Variants in PAPPA observed in about 807,000 individuals in gnomAD.
PAPPA encodes pappalysin-1.
In PAPPA, 60 loss-of-function variants were observed where a neutral mutation model predicts 164.0. That is an observed-to-expected ratio of 0.37 (90% CI 0.30 to 0.45). PAPPA has a LOEUF of 0.45. Ranked by LOEUF, PAPPA falls within the 20% of genes least tolerant of loss-of-function variation. The pLI is 1.00. For synonymous variants in PAPPA, 875 were observed against 814.1 expected (o/e 1.07, Z -1.27); for missense variants, 1,782 against 2,087.3 (o/e 0.85, Z 2.85).
At chr9:116,267,792 G>A (rs938549905) in intron 8 of PAPPA, among the ~76,000 whole-genome samples, 45 of 148,672 alleles carry the variant, frequency 3.0e-4, no homozygotes, top group Non-Finnish European at 5.3e-4. Flanking sequence ...GAAGAATGGC[G>A]TGAACCCGGG....
chr9:116,308,815 G>C (rs1041728415), intron 10 of PAPPA, among the ~76,000 whole-genome samples: 1 of 152,170 alleles, frequency 6.6e-6, no homozygotes, highest in Non-Finnish European at 1.5e-5. Context: ...CCTTTCCAGA[G>C]AGTTTTCTAA....
chr9:116,245,516 A>G (rs1844786787), intron 7 of PAPPA, among the ~76,000 whole-genome samples: 1 of 152,138 alleles, frequency 6.6e-6, no homozygotes, highest in East Asian at 1.9e-4. Flanking sequence ...GATTATTTGC[A>G]TAGAAAAGTG....
chr9:116,156,439 C>G (rs1357640597), intron 1 of PAPPA, among the ~76,000 whole-genome samples: 1 of 151,202 alleles, frequency 6.6e-6, no homozygotes, highest in African/African-American at 2.4e-5. Flanking sequence ...CACACACATT[C>G]TCTTGAGCAC....
intron 17 of PAPPA, among the ~76,000 whole-genome samples, chr9:116,354,264 A>G (rs892877347): frequency 6.6e-6 from 1 of 152,184 alleles, no homozygotes; most frequent in Non-Finnish European, 1.5e-5. Flanking sequence ...ATTTTATCTC[A>G]ATCCACATGT....
rs570345371 is a variant in PAPPA at position 116,268,844 on chromosome 9, G to A, written c.2862-2481G>A. On this transcript the variant is annotated intron_variant, in intron 8 of 21. Coordinates refer to ENST00000328252, the MANE Select transcript of PAPPA (RefSeq NM_002581.5). ...GCTTATGGATGTTTCCCTAAGTAGG[G>A]GTGGGGGGGTAGGGGGGAAGGAAAA... is the stretch of plus-strand genomic sequence containing the variant. Among the ~76,000 whole-genome samples the A allele has an allele frequency of 3.1e-5, 4 of 130,126 alleles. No individual in the cohort carries two copies. In the East Asian group the frequency reaches 8.2e-4, roughly 27 times the overall value. 85.4% of individuals were successfully genotyped at this position (130,126 alleles called of 152,430 possible). A position where few individuals can be genotyped will look rare whatever the true frequency, so the allele number is the denominator to read the frequency against.
chr9:116,371,973 A>G (rs995350578), intron 19 of PAPPA, among the ~76,000 whole-genome samples: 1 of 152,230 alleles, frequency 6.6e-6, no homozygotes, highest in African/African-American at 2.4e-5. Context: ...TAAACTTCAT[A>G]TAATTAGAAA....
chr9:116,180,555 C>G (rs1243483818), intron 1 of PAPPA, among the ~76,000 whole-genome samples: 1 of 152,010 alleles, frequency 6.6e-6, no homozygotes, highest in Non-Finnish European at 1.5e-5. Flanking sequence ...TTTAAAAATA[C>G]CACTTTTTCA....
chr9:116,220,924 TATAAAC>T (rs1408937880), intron 5 of PAPPA, among the ~76,000 whole-genome samples: 2 of 150,522 alleles, frequency 1.3e-5, no homozygotes, highest in Non-Finnish European at 3.0e-5. Flanking sequence ...ATATATGACA[TATAAAC>T]ATAATTTTTG....
chr9:116,154,728 TC>T lies in PAPPA; in HGVS notation c.415+143del, dbSNP rs74628090. The T allele has an allele frequency of 0.37, 386,597 of 1,036,314 alleles. 75,739 individuals carry two copies. Among genetic ancestry groups the T allele is most frequent in the Admixed American group, 0.55 (12,804 of 23,122 alleles). 64.2% of individuals were successfully genotyped at this position (1,036,314 alleles called of 1,614,324 possible). A position where few individuals can be genotyped will look rare whatever the true frequency, so the allele number is the denominator to read the frequency against. On this transcript the variant is annotated intron_variant, in intron 1 of 21. Transcript: ENST00000328252. This position sits in a 1 kb window ranked among gnomAD's most constrained non-coding sequence, Gnocchi z 5.2. Reference sequence around the variant, plus strand: ...CTGCCCCGCGAGCGGCGCAGAGACATCCGGGCGAGCTGAGAGCCTCACTTTG... The same window carrying T: ...CTGCCCCGCGAGCGGCGCAGAGACATCGGGCGAGCTGAGAGCCTCACTTTG...
At chr9:116,295,488 A>G (rs1845493879) in intron 9 of PAPPA, among the ~76,000 whole-genome samples, 2 of 145,024 alleles carry the variant, frequency 1.4e-5, no homozygotes, top group African/African-American at 5.1e-5. Context: ...CAAGAGGAAG[A>G]GGTTGCAGTG....
intron 2 of PAPPA, among the ~76,000 whole-genome samples, chr9:116,206,815 T>C (rs1327163470): frequency 6.6e-6 from 1 of 152,162 alleles, no homozygotes; most frequent in Non-Finnish European, 1.5e-5. Flanking sequence ...TTTGGATTTG[T>C]TCATTAGAGA....
At chr9:116,380,196 ACTATAT>A (rs1468232504) in intron 20 of PAPPA, among the ~76,000 whole-genome samples, 1 of 152,208 alleles carries the variant, frequency 6.6e-6, no homozygotes, top group South Asian at 2.1e-4. Flanking sequence ...AGGGGTAGGA[ACTATAT>A]CTATATTAAT....
intron 6 of PAPPA, among the ~76,000 whole-genome samples, chr9:116,228,011 A>G (rs915778208): frequency 6.6e-6 from 1 of 152,000 alleles, no homozygotes; most frequent in Non-Finnish European, 1.5e-5. Context: ...ATTCCTTTTA[A>G]TTTCTTCTAT....
intron 6 of PAPPA, among the ~76,000 whole-genome samples, chr9:116,227,971 A>C (rs1844535953): frequency 1.3e-5 from 2 of 152,150 alleles, no homozygotes; most frequent in South Asian, 4.2e-4. Flanking sequence ...TTCTTAGACT[A>C]TACAGAGCAC....
chr9:116,380,362 A>G (rs1846715194), intron 20 of PAPPA, among the ~76,000 whole-genome samples: 1 of 152,158 alleles, frequency 6.6e-6, no homozygotes. Flanking sequence ...AGGAAAGAAC[A>G]TATAGGGTAG....
At chr9:116,335,485 G>A (rs1019752273) in intron 13 of PAPPA, among the ~76,000 whole-genome samples, 1 of 152,080 alleles carries the variant, frequency 6.6e-6, no homozygotes, top group African/African-American at 2.4e-5. Context: ...AACCAAGGGG[G>A]ATAGAGTGAG....
intron 9 of PAPPA, among the ~76,000 whole-genome samples, chr9:116,277,184 A>G (rs10983097): frequency 0.038 from 5,711 of 152,244 alleles, 365 homozygotes; most frequent in African/African-American, 0.13. Flanking sequence ...TAAAAAAATT[A>G]AAATTAAGAA....
At chr9:116,388,458 C>T (rs1375086967) in intron 21 of PAPPA, among the ~76,000 whole-genome samples, 1 of 152,160 alleles carries the variant, frequency 6.6e-6, no homozygotes, top group African/African-American at 2.4e-5. Flanking sequence ...CCAAAGCTTT[C>T]TAAGGTGTGG....
chr9:116,323,384 G>A (rs1187072043), intron 10 of PAPPA, among the ~76,000 whole-genome samples: 3 of 151,970 alleles, frequency 2.0e-5, no homozygotes, highest in Admixed American at 1.3e-4. Context: ...TGTTCAAGCC[G>A]GTCTCTTCTC....
Sources: gnomAD v4.1 joint callset for allele counts (sites outside exome capture counted in the v4.1 genomes callset) on GRCh38, gnomAD v4.1.1 for gene constraint, Gnocchi (gnomAD v3.1) non-coding constraint, MANE v1.5 for transcripts, NCBI Gene and HGNC (gene_info 2026-07-23, HGNC 2026-07-21) for gene names.